ERLIN2: variants seen among roughly 807,000 people sequenced by gnomAD.
The protein encoded by ERLIN2 is ER lipid raft associated 2, also known as erlin-2.
In ERLIN2, 22 loss-of-function variants were observed where a neutral mutation model predicts 41.5. The observed-to-expected ratio is 0.53, with a 90% CI of 0.38 to 0.76. The LOEUF (loss-of-function observed/expected upper bound fraction) is 0.76, where lower values mean the gene tolerates loss of function less well. Among genes scored for constraint, ERLIN2 ranks in the 30% least tolerant of loss-of-function variants. The probability of loss-of-function intolerance (pLI) is 0.00; values close to 1 mark genes in which losing one functional copy is unlikely to be tolerated. For missense variants in ERLIN2, 247 were observed against 414.3 expected (o/e 0.60, Z 3.51); for synonymous variants, 149 against 150.9 (o/e 0.99, Z 0.09).
In ERLIN2 at chr8:37,753,450, A is replaced by G; in HGVS notation, c.740A>G (p.Asp247Gly). 6.2e-7 allele frequency: 1 copy of G among 1,613,854 alleles called. No individual in the cohort carries two copies. Among genetic ancestry groups the G allele is most frequent in the Non-Finnish European group, 8.5e-7 (1 of 1,179,764 alleles). ...ETEKKISEIE[D>G]AAFLAREKAK... ...GTTCACTGCACTCCTTCCCCCTCAG[A>G]TGCTGCATTTCTGGCCCGGGAGAAG... Residue 247 changes from aspartate to glycine, a missense_variant and splice_region_variant, in exon 11 of 12, where the codon GAT (aspartate) becomes GGT (glycine). Physicochemically the swap from Asp to Gly is moderately conservative, Grantham distance 94. Around this residue, in one of 3 missense-constraint regions of ERLIN2, gnomAD observed 153 missense variants for 256.4 expected, o/e 0.60. Coordinates refer to ENST00000519638, the MANE Select transcript of ERLIN2 (RefSeq NM_007175.8).
chr8:37,745,929 A>C (rs1241453307), intron 6 of ERLIN2: 1 of 1,104,048 alleles, frequency 9.1e-7, no homozygotes, highest in Non-Finnish European at 1.1e-6. Context: ...TTACATGAAC[A>C]TTTCAAAGCA....
chr8:37,748,579 TCA>T (rs1248194070), intron 6 of ERLIN2, among the ~76,000 whole-genome samples: 7 of 152,228 alleles, frequency 4.6e-5, no homozygotes, highest in African/African-American at 1.7e-4. Context: ...CGTTTTGGCA[TCA>T]GTGAAAGAGC....
At chr8:37,744,044 T>C (rs1802949310) in intron 4 of ERLIN2, among the ~76,000 whole-genome samples, 1 of 152,234 alleles carries the variant, frequency 6.6e-6, no homozygotes, top group South Asian at 2.1e-4. Flanking sequence ...TCCTTAGTCT[T>C]TTCCGTGCAA....
intron 4 of ERLIN2, among the ~76,000 whole-genome samples, chr8:37,743,912 T>A (rs1234917014): frequency 3.3e-5 from 5 of 152,246 alleles, no homozygotes; most frequent in Non-Finnish European, 7.3e-5. Flanking sequence ...GAAATCTTTT[T>A]ATAATAAATA....
intron 4 of ERLIN2, among the ~76,000 whole-genome samples, chr8:37,743,880 C>T (rs74706825): frequency 0.055 from 8,430 of 152,130 alleles, 781 homozygotes; most frequent in African/African-American, 0.19. Flanking sequence ...AGTTATACTA[C>T]TCTTTCGGCT....
At position 37,753,964 on chromosome 8, in the gene ERLIN2, C is replaced by T. The variant is rs759417913; in HGVS notation, c.869C>T (p.Ala290Val). 2.0e-5 allele frequency: 33 copies of T among 1,613,466 alleles called. No individual in the cohort carries two copies. The Admixed American group carries it at 3.2e-4, about 15-fold the overall frequency. ...YLQLMKYKAIASNSKIYFGKD... is the reference protein window; with the variant it reads ...YLQLMKYKAIVSNSKIYFGKD... ...CAGCTGATGAAGTACAAGGCCATTG[C>T]TTCCAACAGCAAGATTTACTTTGGC... The change falls in exon 12 of 12, where the codon GCT becomes GTT. Residue 290 changes from alanine to valine, a missense_variant. Ala to Val is a moderately conservative substitution (Grantham distance 64). Coordinates refer to ENST00000519638, the MANE Select transcript of ERLIN2 (RefSeq NM_007175.8).
At chr8:37,742,636 A>G (rs1186282035) in intron 4 of ERLIN2, among the ~76,000 whole-genome samples, 1 of 152,148 alleles carries the variant, frequency 6.6e-6, no homozygotes, top group African/African-American at 2.4e-5. Context: ...GGGGAACAAC[A>G]CACACTGGGG....
chr8:37,749,753 C>A (rs767307048), intron 7 of ERLIN2, 41 bp from the exon 8 acceptor site: 3 of 1,603,820 alleles, frequency 1.9e-6, no homozygotes, highest in East Asian at 4.5e-5. Context: ...TCCCTCACTA[C>A]CCTCACTTTC....
chr8:37,752,135 G>A (rs1273111975), intron 10 of ERLIN2, among the ~76,000 whole-genome samples: 2 of 152,186 alleles, frequency 1.3e-5, no homozygotes, highest in African/African-American at 4.8e-5. Flanking sequence ...CTCAAAGTCT[G>A]TTCTCCAGGT....
At chr8:37,751,861 T>A in intron 10 of ERLIN2, 146 bp downstream of exon 10, 1 of 714,882 alleles carries the variant, frequency 1.4e-6, no homozygotes, top group Non-Finnish European at 2.5e-6. Flanking sequence ...ATGTGGAGAC[T>A]TGAGTTTTGA....
chr8:37,741,967 T>C lies in ERLIN2; in HGVS notation c.236+149T>C. On this transcript the variant is annotated intron_variant, in intron 4 of 11. Transcript: ENST00000519638. This position sits in a 1 kb window ranked among gnomAD's most constrained non-coding sequence, Gnocchi z 4.8. ...TCCCTATATTGATTTGACCAGGTGA[T>C]GGAGTGCAGTAGAGGAAATCATAGA... 1 of 713,112 alleles carries C rather than the reference T, an allele frequency of 1.4e-6. No individual in the cohort carries two copies. Among genetic ancestry groups the C allele is most frequent in the East Asian group, 2.7e-5 (1 of 37,364 alleles). The allele number at this position is 713,112 out of a possible 1,614,324, so 44.2% of individuals were successfully genotyped here.
At chr8:37,749,764 C>T (rs1371267477) in intron 7 of ERLIN2, 30 bp from the exon 8 acceptor site, 2 of 1,611,424 alleles carry the variant, frequency 1.2e-6, no homozygotes, top group Non-Finnish European at 1.7e-6. Context: ...CCTCACTTTC[C>T]CATCAGCTGC....
chr8:37,752,129 A>G (rs1348050146), intron 10 of ERLIN2, among the ~76,000 whole-genome samples: 2 of 152,178 alleles, frequency 1.3e-5, no homozygotes, highest in African/African-American at 4.8e-5. Context: ...TTTGGGCTCA[A>G]AGTCTGTTCT....
intron 6 of ERLIN2, chr8:37,748,070 G>T: frequency 7.6e-7 from 1 of 1,315,516 alleles, no homozygotes; most frequent in African/African-American, 1.5e-5. Context: ...GACGTCACGA[G>T]CGCGCCTTGC....
intron 6 of ERLIN2, chr8:37,747,409 A>G: frequency 6.3e-7 from 1 of 1,591,000 alleles, no homozygotes; most frequent in Non-Finnish European, 8.6e-7. Context: ...CAGCTCTTGC[A>G]GTGGCCTCTT....
intron 8 of ERLIN2, 90 bp from the exon 9 acceptor site, chr8:37,750,304 GC>G (rs1182519096): frequency 1.0e-6 from 1 of 964,692 alleles, no homozygotes; most frequent in Non-Finnish European, 1.6e-6. Context: ...ATGGGAGTTT[GC>G]CTCTCTTCAG....
intron 8 of ERLIN2, 94 bp downstream of exon 8, chr8:37,749,946 G>C (rs113106309): frequency 9.0e-7 from 1 of 1,108,136 alleles, no homozygotes; most frequent in Non-Finnish European, 1.4e-6. Flanking sequence ...CAGGCTTCTC[G>C]GTTATCCCCT....
intron 8 of ERLIN2, 107 bp from the exon 9 acceptor site, chr8:37,750,288 T>C: frequency 1.2e-6 from 1 of 831,080 alleles, no homozygotes; most frequent in Non-Finnish European, 2.0e-6. Flanking sequence ...CCAGGAGGAG[T>C]AGGAAATGGG....
Position 37,753,434 on chromosome 8 carries a change from A to C in ERLIN2, c.740-16A>C. On this transcript the variant is annotated splice_polypyrimidine_tract_variant and intron_variant, in intron 10 of 11. Transcript: ENST00000519638. ...TTTAGCACTTCACCAAGTTCACTGC[A>C]CTCCTTCCCCCTCAGATGCTGCATT... 1 of 1,610,782 alleles carries C rather than the reference A, an allele frequency of 6.2e-7. No individual in the cohort carries two copies. Among genetic ancestry groups the C allele is most frequent in the Non-Finnish European group, 8.5e-7 (1 of 1,177,216 alleles).
Sources: gnomAD v4.1 joint callset for allele counts (sites outside exome capture counted in the v4.1 genomes callset) on GRCh38, gnomAD v4.1.1 for gene constraint, gnomAD v4.1.1 regional missense constraint, Gnocchi (gnomAD v3.1) non-coding constraint, MANE v1.5 for transcripts, NCBI Gene and HGNC (gene_info 2026-07-23, HGNC 2026-07-21) for gene names.